Variants in ITGA8 observed in about 807,000 individuals in gnomAD.
ITGA8 encodes integrin alpha-8.
A neutral mutation model predicts 142.3 loss-of-function variants in ITGA8; 91 were observed. The ratio of observed to expected loss-of-function variants is 0.64; its 90% CI spans 0.54 to 0.76. ITGA8 has a LOEUF of 0.76. Ranked by LOEUF, ITGA8 falls within the 30% of genes least tolerant of loss-of-function variation. The pLI, the probability that ITGA8 is intolerant of heterozygous loss-of-function variation, is 0.00. For synonymous variants in ITGA8, 505 were observed against 485.2 expected, an observed-to-expected ratio of 1.04 and a Z score of -0.54; for missense variants, 1,406 against 1,327.7, an observed-to-expected ratio of 1.06 and a Z score of -0.92.
At chr10:15,651,006 C>T (rs550449715) in intron 11 of ITGA8, among the ~76,000 whole-genome samples, 4 of 152,158 alleles carry the variant, frequency 2.6e-5, no homozygotes, top group Non-Finnish European at 5.9e-5. Flanking sequence ...GCTCCCTAAG[C>T]TGTTTCCTTT....
rs572914842 is a variant in ITGA8 at position 15,563,623 on chromosome 10, T to A, written c.2638-5421A>T. Among the ~76,000 whole-genome samples, 70 of 152,242 alleles carry A rather than the reference T, an allele frequency of 4.6e-4. No individual in the cohort carries two copies. The South Asian group carries it at 0.015, about 32-fold the overall frequency. On this transcript the variant is annotated intron_variant, in intron 25 of 29. Transcript: ENST00000378076. ...AATAGTAGTGGTGGTGCTAAAACAA[T>A]AGCCCAAACAGCCAGGTGCGGTGGC... is the stretch of plus-strand genomic sequence containing the variant.
chr10:15,517,307 C>A, intron 29 of ITGA8, 63 bp from the exon 30 acceptor site: 1 of 1,093,138 alleles, frequency 9.1e-7, no homozygotes, highest in South Asian at 1.4e-5. Flanking sequence ...ACCCCTCATT[C>A]AAAGAATTTT....
intron 22 of ITGA8, among the ~76,000 whole-genome samples, chr10:15,588,845 C>A (rs1472241617): frequency 6.6e-6 from 1 of 152,304 alleles, no homozygotes; most frequent in East Asian, 1.9e-4. Context: ...TTTTGAAATG[C>A]AGCAGGAACA....
At chr10:15,616,636 A>T (rs370509493) in intron 13 of ITGA8, 77 bp from the exon 14 acceptor site, 10 of 1,145,698 alleles carry the variant, frequency 8.7e-6, no homozygotes, top group Non-Finnish European at 1.2e-5. Flanking sequence ...CGTAAGTAGC[A>T]CATAGAATAC....
chr10:15,696,256 A>G (rs986257859), intron 2 of ITGA8, among the ~76,000 whole-genome samples: 1 of 152,226 alleles, frequency 6.6e-6, no homozygotes, highest in South Asian at 2.1e-4. Context: ...CTACGGAGAA[A>G]GCAAAGGCAA....
At chr10:15,668,655 T>G (rs372444762) in intron 8 of ITGA8, among the ~76,000 whole-genome samples, 1 of 152,138 alleles carries the variant, frequency 6.6e-6, no homozygotes, top group Non-Finnish European at 1.5e-5. Flanking sequence ...CAGTGGCTGG[T>G]ACTGGTTGTT....
intron 14 of ITGA8, among the ~76,000 whole-genome samples, chr10:15,614,075 T>C (rs574680199): frequency 3.8e-4 from 58 of 152,322 alleles, no homozygotes; most frequent in African/African-American, 1.3e-3. Flanking sequence ...TATGGCAATA[T>C]TGCTGTGAAA....
chr10:15,548,219 G>A (rs1056279140), intron 27 of ITGA8, among the ~76,000 whole-genome samples: 3 of 151,866 alleles, frequency 2.0e-5, no homozygotes, highest in African/African-American at 4.8e-5. Flanking sequence ...AGTCTCCCAA[G>A]TAGCTGGGAC....
At chr10:15,549,040 G>A (rs1379078911) in intron 26 of ITGA8, among the ~76,000 whole-genome samples, 1 of 151,994 alleles carries the variant, frequency 6.6e-6, no homozygotes, top group African/African-American at 2.4e-5. Flanking sequence ...AGGCTTTTCT[G>A]TGACTTTCAT....
intron 23 of ITGA8, among the ~76,000 whole-genome samples, chr10:15,583,801 A>G (rs752241567): frequency 1.8e-4 from 27 of 152,204 alleles, no homozygotes; most frequent in Non-Finnish European, 3.5e-4. Context: ...AACTTCTTCA[A>G]CTGGACACCT....
In ITGA8 at chr10:15,551,314, G is replaced by C. The variant is rs146397724; in HGVS notation, c.2767-2746C>G. On this transcript the variant is annotated intron_variant, in intron 26 of 29. Transcript: ENST00000378076. ...TCCTGGGGAACAGGGGCATTGAAAG[G>C]ATGGGCAGAGAGAAATCTTAGATGA... is the stretch of plus-strand genomic sequence containing the variant. Among the ~76,000 whole-genome samples the C allele has an allele frequency of 9.9e-3, 1,505 of 152,202 alleles. 8 individuals carry two copies. The highest frequency in any genetic ancestry group is 0.014 in the Non-Finnish European group (947 of 68,014).
intron 29 of ITGA8, among the ~76,000 whole-genome samples, chr10:15,517,801 A>T (rs1832990975): frequency 1.3e-5 from 2 of 152,368 alleles, no homozygotes; most frequent in Middle Eastern, 3.4e-3. Flanking sequence ...GGAGTGGAAG[A>T]TGTCCCTCTT....
chr10:15,633,453 A>C (rs989248309), intron 13 of ITGA8, among the ~76,000 whole-genome samples: 7 of 152,108 alleles, frequency 4.6e-5, no homozygotes, highest in Admixed American at 1.3e-4. Flanking sequence ...TTTTTTTGAG[A>C]TGAATTCTTG....
At position 15,616,571 on chromosome 10, in the gene ITGA8, A is replaced by T. The variant is rs1290019713; in HGVS notation, c.1400-12T>A. ...ACCCACAATCAAATCTTAAAAAGAC[A>T]AAAACACAGAACACATGCGTGAATC... is the stretch of plus-strand genomic sequence containing the variant. On this transcript the variant is annotated splice_polypyrimidine_tract_variant and intron_variant, in intron 13 of 29. Transcript: ENST00000378076. The T allele has an allele frequency of 6.2e-7, 1 of 1,609,836 alleles. No homozygotes were observed. Among genetic ancestry groups the T allele is most frequent in the Non-Finnish European group, 8.5e-7 (1 of 1,177,522 alleles).
rs184095430 is a variant in ITGA8, at chr10:15,669,130, A to T, written c.847+2473T>A. Among the ~76,000 whole-genome samples, 511 of 152,216 alleles carry T rather than the reference A, an allele frequency of 3.4e-3. 4 individuals are homozygous for T. Among genetic ancestry groups the T allele is most frequent in the Non-Finnish European group, 3.1e-3 (209 of 68,020 alleles). ...GCAGAGTGTTTTCCAACTTGGTTCT[A>T]TTCTCCCTGTCACTTTCAGGCACAC... On this transcript the variant is annotated intron_variant, in intron 8 of 29. Transcript: ENST00000378076.
intron 11 of ITGA8, among the ~76,000 whole-genome samples, chr10:15,652,884 C>T (rs1053268545): frequency 9.9e-5 from 15 of 152,194 alleles, no homozygotes; most frequent in Non-Finnish European, 8.8e-5. Context: ...CCATCTAGAG[C>T]TGGTAGACAG....
chr10:15,531,319 C>T (rs1246172839), intron 27 of ITGA8, among the ~76,000 whole-genome samples, 168 bp from the exon 28 acceptor site: 2 of 152,030 alleles, frequency 1.3e-5, no homozygotes, highest in East Asian at 3.9e-4. Flanking sequence ...AGCATTCATC[C>T]ATCCACCCAC....
intron 14 of ITGA8, among the ~76,000 whole-genome samples, chr10:15,615,460 T>C (rs1293346853): frequency 6.6e-6 from 1 of 152,172 alleles, no homozygotes; most frequent in Non-Finnish European, 1.5e-5. Flanking sequence ...CCCTCGGCCT[T>C]TTGTCTTGAT....
intron 5 of ITGA8, among the ~76,000 whole-genome samples, chr10:15,678,186 A>C (rs1175584366): frequency 6.5e-5 from 5 of 76,664 alleles, no homozygotes; most frequent in African/African-American, 3.4e-5. Flanking sequence ...AAAAACAAAA[A>C]AGTAATGATA....
Sources: gnomAD v4.1 joint callset for allele counts (sites outside exome capture counted in the v4.1 genomes callset) on GRCh38, gnomAD v4.1.1 for gene constraint, MANE v1.5 for transcripts, NCBI Gene and HGNC (gene_info 2026-07-23, HGNC 2026-07-21) for gene names.